FBF1: variants seen among roughly 807,000 people sequenced by gnomAD.
FBF1 encodes Fas binding factor 1, also known as fas-binding factor 1.
In FBF1, 119 loss-of-function variants were observed where a neutral mutation model predicts 147.2. The ratio of observed to expected loss-of-function variants is 0.81; its 90% CI spans 0.70 to 0.94. FBF1 has a LOEUF of 0.94. FBF1 is among the 40% of genes least tolerant of loss of function. The pLI is 0.00. For synonymous variants in FBF1, 601 were observed against 609.0 expected, an observed-to-expected ratio of 0.99 and a Z score of 0.19; for missense variants, 1,449 against 1,500.8, an observed-to-expected ratio of 0.97 and a Z score of 0.57.
rs964796339 is a variant in FBF1 at position 75,914,915 on chromosome 17, C to A, written c.2646G>T (p.Glu882Asp). Residue 882 changes from glutamate (E) to aspartate (D), a missense_variant, in exon 25 of 30, where the codon GAG becomes GAT. By Grantham distance (45) the Glu-to-Asp change is conservative. Transcript: ENST00000636174. ...CGCACTTGAGCATGACAGACTTCTG[C>A]TCCTCCAGCAAGGCGCTCTGGGATG... The part of the protein sequence containing the change: ...LERAKSALLE[E>D]QKSVMLKCGE... The A allele has an allele frequency of 1.9e-6, 3 of 1,611,704 alleles. No individual in the cohort carries two copies. The highest frequency in any genetic ancestry group is 1.1e-5 in the South Asian group (1 of 90,920).
rs1163748620 is a variant in FBF1, at chr17:75,910,106, G to A, written c.*617C>T. The A allele has an allele frequency of 1.8e-6, 1 of 543,498 alleles. No individual in the cohort carries two copies. Among genetic ancestry groups the A allele is most frequent in the East Asian group, 4.2e-5 (1 of 23,658 alleles). The allele number at this position is 543,498 out of a possible 1,614,324, so 33.7% of individuals were successfully genotyped here. A position where few individuals can be genotyped will look rare whatever the true frequency, so the allele number is the denominator to read the frequency against. On this transcript the variant is annotated 3_prime_UTR_variant, in exon 30 of 30. Transcript: ENST00000636174. This position sits in a 1 kb window ranked among gnomAD's most constrained non-coding sequence, Gnocchi z 4.1. ...AGGAGGCCACTGTTCACCCAAACTG[G>A]TTGGTCCTTCGGGCAATGCTGGGAA...
At chr17:75,933,725 CAAGT>C (rs1237286316) in intron 4 of FBF1, among the ~76,000 whole-genome samples, 1 of 152,068 alleles carries the variant, frequency 6.6e-6, no homozygotes, top group Non-Finnish European at 1.5e-5. Context: ...GATAAAAAGA[CAAGT>C]AACCCAATTA....
intron 26 of FBF1, 28 bp downstream of exon 26, chr17:75,914,094 C>T (rs1463800595): frequency 1.3e-6 from 2 of 1,592,742 alleles, no homozygotes; most frequent in East Asian, 2.3e-5. Flanking sequence ...GGCTCAGATG[C>T]GCCCACGCCC....
Position 75,928,090 on chromosome 17 carries a change from T to C in FBF1, c.383A>G (p.His128Arg). 1 of 1,612,460 alleles carries C rather than the reference T, an allele frequency of 6.2e-7. No homozygotes were observed. Among genetic ancestry groups the C allele is most frequent in the East Asian group, 2.2e-5 (1 of 44,842 alleles). The change falls in exon 8 of 30, where the codon CAC becomes CGC. Residue 128 changes from histidine to arginine, a missense_variant. By Grantham distance (29) the His-to-Arg change is conservative. Coordinates refer to ENST00000636174, the MANE Select transcript of FBF1 (RefSeq NM_001319193.2). This position sits in a 1 kb window ranked among gnomAD's most constrained non-coding sequence, Gnocchi z 4.2. ...KDPGKGELPN[H>R]PKPAGGAIPT... Reference sequence around the variant, plus strand: ...TACTGACCCACCTGCAGGCTTGGGGTGGTTGGGCAGCTCTCCTTTCCCAGG... The same window carrying C: ...TACTGACCCACCTGCAGGCTTGGGGCGGTTGGGCAGCTCTCCTTTCCCAGG...
At chr17:75,926,259 A>G (rs2065561162) in intron 11 of FBF1, 29 bp downstream of exon 11, 1 of 1,611,634 alleles carries the variant, frequency 6.2e-7, no homozygotes, top group Non-Finnish European at 8.5e-7. Context: ...AACCTGAGGC[A>G]GCAGCCTGGC....
At chr17:75,917,910 G>A (rs1342185481) in intron 22 of FBF1, 21 bp downstream of exon 22, 3 of 1,590,240 alleles carry the variant, frequency 1.9e-6, no homozygotes, top group South Asian at 2.3e-5. Flanking sequence ...GAGCCGGGGT[G>A]GCTGAGAGGG....
In FBF1 at chr17:75,914,151, G is replaced by A. The variant is rs1278577493; in HGVS notation, c.2962C>T (p.Arg988Cys). 9 of 1,602,136 alleles carry A rather than the reference G, an allele frequency of 5.6e-6. No homozygotes were observed. Among genetic ancestry groups the A allele is most frequent in the Admixed American group, 5.1e-5 (3 of 58,880 alleles). The stretch of plus-strand genomic sequence containing the variant: ...CTCATGCTCTCCACCTCCTCGGCGC[G>A]GAGCTTGACACGCAGGGCGGTGGCG... ...INATALRVKL[R>C]AEEVESMSKV... Residue 988 changes from arginine to cysteine, a missense_variant, in exon 26 of 30, where the codon CGC (arginine) becomes TGC (cysteine). Physicochemically the swap from Arg to Cys is radical, Grantham distance 180. Transcript: ENST00000636174.
Position 75,921,543 on chromosome 17 carries a change from T to A in FBF1, c.1544A>T (p.Asn515Ile). Residue 515 changes from asparagine (N) to isoleucine (I), a missense_variant, in exon 16 of 30, where the codon AAC becomes ATC. Physicochemically the swap from Asn to Ile is moderately radical, Grantham distance 149. Transcript: ENST00000636174. ...TGTAGGGAGTGCTGAGGCGGCATGG[T>A]TCTGAGTCACAGGGGACCTGAGGAC... ...PGVSGSPVTQ[N>I]HAASALPTGS... is the part of the protein sequence containing the mutation. The A allele has an allele frequency of 6.2e-7, 1 of 1,612,772 alleles. No individual in the cohort carries two copies. Among genetic ancestry groups the A allele is most frequent in the Non-Finnish European group, 8.5e-7 (1 of 1,179,514 alleles).
Position 75,914,261 on chromosome 17 carries a change from C to T in FBF1, c.2852G>A (p.Arg951Gln), listed in dbSNP as rs1441232443. ...AELKIRASEL[R>Q]AEEKQLAAER... is the part of the protein sequence containing the mutation. ...CGCTGCCAGCTGCTTCTCCTCGGCCCGGAGCTCGCTGGCCCTGATCTTCAG... is the reference window on the plus strand; with the variant it reads ...CGCTGCCAGCTGCTTCTCCTCGGCCTGGAGCTCGCTGGCCCTGATCTTCAG... The change falls in exon 26 of 30, where the codon CGG becomes CAG. Residue 951 changes from arginine to glutamine, a missense_variant. Arg to Gln is a conservative substitution (Grantham distance 43, BLOSUM62 1). Transcript: ENST00000636174. 5.0e-6 allele frequency: 8 copies of T among 1,592,890 alleles called. No individual in the cohort carries two copies. Among genetic ancestry groups the T allele is most frequent in the South Asian group, 4.5e-5 (4 of 87,944 alleles).
intron 23 of FBF1, among the ~76,000 whole-genome samples, chr17:75,915,825 G>C (rs576518138): frequency 6.6e-6 from 1 of 151,402 alleles, no homozygotes; most frequent in African/African-American, 2.4e-5. Flanking sequence ...CCTGGCCAAC[G>C]TGGTGAAACC....
At chr17:75,927,571 C>G in intron 8 of FBF1, 39 bp from the exon 9 acceptor site, 1 of 1,548,442 alleles carries the variant, frequency 6.5e-7, no homozygotes, top group Admixed American at 1.9e-5. Context: ...GCCTGAGTCT[C>G]TCCTGGCCAA....
At position 75,919,533 on chromosome 17, in the gene FBF1, C is replaced by T; in HGVS notation, c.2138+135G>A. ...CAGTGTGCTCAGCCCTCAGTCCTCA[C>T]TCACTGGACTGGGAGGGAAGGACCC... On this transcript the variant is annotated intron_variant, in intron 20 of 29. Coordinates refer to ENST00000636174, the MANE Select transcript of FBF1 (RefSeq NM_001319193.2). The surrounding 1 kb of genome is among the most constrained non-coding windows in gnomAD (Gnocchi z 5.0). 1 of 983,690 alleles carries T rather than the reference C, an allele frequency of 1.0e-6. No individual in the cohort carries two copies. The highest frequency in any genetic ancestry group is 1.5e-6 in the Non-Finnish European group (1 of 669,874). 60.9% of individuals were successfully genotyped at this position (983,690 alleles called of 1,614,324 possible). A position where few individuals can be genotyped will look rare whatever the true frequency, so the allele number is the denominator to read the frequency against.
rs2065525391 is a variant in FBF1, at chr17:75,921,387, T to C, written c.1615+85A>G. ...CCAGGAGGGGCTGGTGTAACTCATGTCCCAGGGACCCCAAAGGAAGCTCAA... is the reference window on the plus strand; with the variant it reads ...CCAGGAGGGGCTGGTGTAACTCATGCCCCAGGGACCCCAAAGGAAGCTCAA... On this transcript the variant is annotated intron_variant, in intron 16 of 29. Coordinates refer to ENST00000636174, the MANE Select transcript of FBF1 (RefSeq NM_001319193.2). 9.0e-6 allele frequency: 14 copies of C among 1,549,324 alleles called. No individual in the cohort carries two copies. The South Asian group carries it at 1.6e-4, about 18-fold the overall frequency.
chr17:75,920,834 G>T (rs936802302), intron 17 of FBF1, among the ~76,000 whole-genome samples: 13 of 88,472 alleles, frequency 1.5e-4, no homozygotes, highest in Non-Finnish European at 3.0e-4. Flanking sequence ...CACTCCTGGG[G>T]GGGGGGGGGG....
chr17:75,926,735 GA>G (rs1460082567), intron 10 of FBF1, 22 bp downstream of exon 10: 1 of 1,604,422 alleles, frequency 6.2e-7, no homozygotes. Flanking sequence ...TCCAGGATGG[GA>G]AATGAGCCCA....
intron 2 of FBF1, 187 bp downstream of exon 2, chr17:75,937,960 A>C (rs966216400): frequency 3.8e-6 from 3 of 795,622 alleles, no homozygotes; most frequent in Non-Finnish European, 6.1e-6. Context: ...GGACACTCAG[A>C]GTCTCAGAAG....
Position 75,917,845 on chromosome 17 carries a change from G to A in FBF1, c.2392C>T (p.Gln798Ter), listed in dbSNP as rs780679178. Residue 798 changes from glutamine (Q) to a stop codon, truncating the protein, a stop_gained, in exon 23 of 30, where the codon CAG becomes TAG. Transcript: ENST00000636174. LOFTEE classifies it high-confidence loss of function. Reference sequence around the variant, plus strand: ...CGCTGCTGCTGGCCCAGCCGCTCCTGCAGTGCTGGGGGCAACCCACAGGGT... The same window carrying A: ...CGCTGCTGCTGGCCCAGCCGCTCCTACAGTGCTGGGGGCAACCCACAGGGT... ...RQRDEQLRAL[Q>*]ERLGQQQRDM... 5.0e-6 allele frequency: 8 copies of A among 1,603,680 alleles called. No homozygotes were observed. The highest frequency in any genetic ancestry group is 2.3e-5 in the East Asian group (1 of 44,392).
Position 75,918,286 on chromosome 17 carries a change from G to A in FBF1, c.2139-17C>T. On this transcript the variant is annotated splice_polypyrimidine_tract_variant and intron_variant, in intron 20 of 29. Transcript: ENST00000636174. This position sits in a 1 kb window ranked among gnomAD's most constrained non-coding sequence, Gnocchi z 5.8. ...ATGGACGCCCTGAGGGGAGGCGGGAGGGGAAGGCGGTCACTCTGAGCTGGA... is the reference window on the plus strand; with the variant it reads ...ATGGACGCCCTGAGGGGAGGCGGGAAGGGAAGGCGGTCACTCTGAGCTGGA... The A allele has an allele frequency of 1.9e-6, 3 of 1,605,476 alleles. No individual in the cohort carries two copies. The highest frequency in any genetic ancestry group is 2.6e-6 in the Non-Finnish European group (3 of 1,174,388).
rs781180855 is a variant in FBF1, at chr17:75,910,802, C to T, written c.3368G>A (p.Arg1123His). 4.4e-6 allele frequency: 7 copies of T among 1,608,270 alleles called. No individual in the cohort carries two copies. In the South Asian group the frequency reaches 7.8e-5, roughly 18 times the overall value. ...GAACTGTTCATTCTCCAAGAAGTCA[C>T]GGTCCTGCAAGGCAGGTTTGGATGG... is the stretch of plus-strand genomic sequence containing the variant. ...ALLRHMAEQD[R>H]DFLENEQFFL... The change falls in exon 30 of 30, where the codon CGT becomes CAT. Residue 1123 changes from arginine (R) to histidine (H), a missense_variant. Physicochemically the swap from Arg to His is conservative, Grantham distance 29. Transcript: ENST00000636174. This position sits in a 1 kb window ranked among gnomAD's most constrained non-coding sequence, Gnocchi z 4.1.
Sources: allele counts gnomAD v4.1 joint callset (sites outside exome capture counted in the v4.1 genomes callset), GRCh38; gene constraint gnomAD v4.1.1; non-coding constraint Gnocchi (gnomAD v3.1); transcripts MANE v1.5; gene names NCBI Gene and HGNC (gene_info 2026-07-23, HGNC 2026-07-21).